The following WDR33 variants were observed in gnomAD, a reference collection of about 807,000 sequenced individuals.
The protein encoded by WDR33 is pre-mRNA 3' end processing protein WDR33.
In WDR33, 47 loss-of-function variants were observed where a neutral mutation model predicts 164.9. The ratio of observed to expected loss-of-function variants is 0.29; its 90% confidence interval spans 0.23 to 0.36. The LOEUF (loss-of-function observed/expected upper bound fraction) is 0.36. Ranked by LOEUF, WDR33 falls within the 10% of genes least tolerant of loss-of-function variation. The pLI, the probability that WDR33 is intolerant of heterozygous loss-of-function variation, is 1.00. For synonymous variants in WDR33, 505 were observed against 589.0 expected, an observed-to-expected ratio of 0.86 and a Z score of 2.06; for missense variants, 1,137 against 1,754.1, an observed-to-expected ratio of 0.65 and a Z score of 6.28.
chr2:127,733,082 C>T (rs1377558072), intron 7 of WDR33, among the ~76,000 whole-genome samples: 3 of 152,034 alleles, frequency 2.0e-5, no homozygotes, highest in African/African-American at 4.8e-5. Context: ...GGTGACTAGA[C>T]GTTATAGTAC....
At chr2:127,747,412 T>C (rs988274767) in intron 7 of WDR33, among the ~76,000 whole-genome samples, 2 of 150,524 alleles carry the variant, frequency 1.3e-5, no homozygotes, top group African/African-American at 4.9e-5. Flanking sequence ...AAATCAACAA[T>C]ATTTTAGGGC....
At position 127,764,887 on chromosome 2, in the gene WDR33, C is replaced by T. The variant is rs993927693; in HGVS notation, c.567G>A (p.Gln189=). The change falls in exon 6 of 22, where the codon CAG becomes CAA. Residue 189 remains glutamine, a synonymous_variant. Transcript: ENST00000322313. This position sits in a 1 kb window ranked among gnomAD's most constrained non-coding sequence, Gnocchi z 6.2. ...ADHGGYVKYW[Q]SNMNNVKMFQ... ...ACATCTTGACGTTGTTCATGTTCGACTGCCAATATTTCACATATCCTCCGT... is the reference window on the plus strand; with the variant it reads ...ACATCTTGACGTTGTTCATGTTCGATTGCCAATATTTCACATATCCTCCGT... The T allele has an allele frequency of 1.2e-6, 2 of 1,614,082 alleles. No individual in the cohort carries two copies. The highest frequency in any genetic ancestry group is 1.3e-5 in the African/African-American group (1 of 74,936).
Position 127,701,557 on chromosome 2 carries a change from A to G in WDR33, c.*4766T>C, listed in dbSNP as rs1685878198. 13 of 1,368,090 alleles carry G rather than the reference A, an allele frequency of 9.5e-6. 1 individual carries two copies. The South Asian group carries it at 1.7e-4, about 18-fold the overall frequency. The allele number at this position is 1,368,090 out of a possible 1,614,324, so 84.7% of individuals were successfully genotyped here. On this transcript the variant is annotated 3_prime_UTR_variant, in exon 22 of 22. Coordinates refer to ENST00000322313, the MANE Select transcript of WDR33 (RefSeq NM_018383.5). Reference sequence around the variant, plus strand: ...GCGGACCTCCACCGCCAGCTGCAGGAGTACCTGGCGCAGGGGAAAGCTGGC... The same window carrying G: ...GCGGACCTCCACCGCCAGCTGCAGGGGTACCTGGCGCAGGGGAAAGCTGGC...
chr2:127,763,744 AG>A lies in WDR33; in HGVS notation c.627-586del. 1 of 985,662 alleles carries A rather than the reference AG, an allele frequency of 1.0e-6. No individual in the cohort carries two copies. The allele number at this position is 985,662 out of a possible 1,614,324, so 61.1% of individuals were successfully genotyped here. A position where few individuals can be genotyped will look rare whatever the true frequency, so the allele number is the denominator to read the frequency against. On this transcript the variant is annotated intron_variant, in intron 6 of 21. Transcript: ENST00000322313. This position sits in a 1 kb window ranked among gnomAD's most constrained non-coding sequence, Gnocchi z 4.5. Reference sequence around the variant, plus strand: ...CACCTTTGAGGAAAACTTTAAAATAAGGACATTCAGACTTGTGTGTAAAGCC... The same window carrying A: ...CACCTTTGAGGAAAACTTTAAAATAAGACATTCAGACTTGTGTGTAAAGCC...
rs552297850 is a variant in WDR33, at chr2:127,724,727, C to T, written c.1085+160G>A. ...ACTTCCATATCCACAAACAGAGGTACATTTTCTATTCCAAGCTGGATTTAC... is the reference window on the plus strand; with the variant it reads ...ACTTCCATATCCACAAACAGAGGTATATTTTCTATTCCAAGCTGGATTTAC... On this transcript the variant is annotated intron_variant, in intron 10 of 21. Transcript: ENST00000322313. The surrounding 1 kb of genome is among the most constrained non-coding windows in gnomAD (Gnocchi z 4.8). 3.9e-5 allele frequency among the ~76,000 whole-genome samples: 6 copies of T among 152,302 alleles called. No homozygotes were observed. The South Asian group carries it at 1.2e-3, about 32-fold the overall frequency.
intron 1 of WDR33, among the ~76,000 whole-genome samples, chr2:127,800,504 G>A (rs748398561): frequency 6.6e-6 from 1 of 151,952 alleles, no homozygotes; most frequent in Non-Finnish European, 1.5e-5. Context: ...AGGCGTGGTG[G>A]AGGGCGCCTG....
At chr2:127,798,237 A>G (rs1249730398) in intron 1 of WDR33, among the ~76,000 whole-genome samples, 1 of 151,538 alleles carries the variant, frequency 6.6e-6, no homozygotes, top group East Asian at 2.0e-4. Context: ...GCATGGTGGC[A>G]CATGCCTGTA....
chr2:127,738,167 T>A lies in WDR33; in HGVS notation c.725-11390A>T. 1 of 878,312 alleles carries A rather than the reference T, an allele frequency of 1.1e-6. No individual in the cohort carries two copies. The highest frequency in any genetic ancestry group is 1.6e-6 in the Non-Finnish European group (1 of 622,494). 54.4% of individuals were successfully genotyped at this position (878,312 alleles called of 1,614,324 possible). ...AGATATGACTGAGATTTTTTTCTATTAATGAGTAATCTGAGATAACATATG... is the reference window on the plus strand; with the variant it reads ...AGATATGACTGAGATTTTTTTCTATAAATGAGTAATCTGAGATAACATATG... On this transcript the variant is annotated intron_variant, in intron 7 of 21. Coordinates refer to ENST00000322313, the MANE Select transcript of WDR33 (RefSeq NM_018383.5). The surrounding 1 kb of genome is among the most constrained non-coding windows in gnomAD (Gnocchi z 4.4).
chr2:127,781,028 T>C (rs1688351955), intron 1 of WDR33, among the ~76,000 whole-genome samples: 1 of 151,616 alleles, frequency 6.6e-6, no homozygotes, highest in Non-Finnish European at 1.5e-5. Context: ...ACCCGGCTAA[T>C]TTTTTTCGTA....
rs1392398803 is a variant in WDR33 at position 127,721,803 on chromosome 2, A to G, written c.1671+33T>C. 7.0e-6 allele frequency: 11 copies of G among 1,582,688 alleles called. No homozygotes were observed. In the South Asian group the frequency reaches 1.2e-4, roughly 17 times the overall value. On this transcript the variant is annotated intron_variant, in intron 15 of 21. Transcript: ENST00000322313. This position sits in a 1 kb window ranked among gnomAD's most constrained non-coding sequence, Gnocchi z 4.9. ...AATGTCACCACTACCCTCTTAGATC[A>G]TCTTGAATTCCCCCCTACAGAGCTT...
At chr2:127,711,397 C>G (rs1686156711) in intron 18 of WDR33, among the ~76,000 whole-genome samples, 1 of 147,808 alleles carries the variant, frequency 6.8e-6, no homozygotes. Context: ...TGCACTCCAG[C>G]CTGAGCGACA....
chr2:127,726,544 A>C lies in WDR33; in HGVS notation c.851+107T>G. The C allele has an allele frequency of 6.9e-7, 1 of 1,447,156 alleles. No individual in the cohort carries two copies. The allele number at this position is 1,447,156 out of a possible 1,614,324, so 89.6% of individuals were successfully genotyped here. A position where few individuals can be genotyped will look rare whatever the true frequency, so the allele number is the denominator to read the frequency against. Reference sequence around the variant, plus strand: ...ATAGATCCAAGTCCATCTGTTGCCTAAATGACTCTTCCAGAAATACATAAG... The same window carrying C: ...ATAGATCCAAGTCCATCTGTTGCCTCAATGACTCTTCCAGAAATACATAAG... On this transcript the variant is annotated intron_variant, in intron 8 of 21. Coordinates refer to ENST00000322313, the MANE Select transcript of WDR33 (RefSeq NM_018383.5). The surrounding 1 kb of genome is among the most constrained non-coding windows in gnomAD (Gnocchi z 4.8).
intron 1 of WDR33, among the ~76,000 whole-genome samples, chr2:127,796,815 A>G (rs112404081): frequency 6.6e-6 from 1 of 152,072 alleles, no homozygotes; most frequent in East Asian, 1.9e-4. Context: ...GTTTCAGTAC[A>G]CATTCTGGTT....
intron 7 of WDR33, chr2:127,737,844 T>C: frequency 7.3e-7 from 1 of 1,373,380 alleles, no homozygotes; most frequent in Non-Finnish European, 9.4e-7. Context: ...TTTAGAAACA[T>C]AAAAGCAACA....
chr2:127,788,507 TG>T (rs1688701256), intron 1 of WDR33, among the ~76,000 whole-genome samples: 2 of 115,320 alleles, frequency 1.7e-5, no homozygotes, highest in African/African-American at 3.6e-5. Context: ...ACGGGGCGGC[TG>T]GCCGGGTGGG....
chr2:127,713,691 C>T lies in WDR33; in HGVS notation c.3200G>A (p.Arg1067Gln), dbSNP rs778810983. The change falls in exon 18 of 22, where the codon CGG becomes CAG. Residue 1067 changes from arginine (R) to glutamine (Q), a missense_variant. Around this residue, in one of 9 missense-constraint regions of WDR33, gnomAD observed 867 missense variants for 1,073.0 expected, o/e 0.81. Coordinates refer to ENST00000322313, the MANE Select transcript of WDR33 (RefSeq NM_018383.5). This position sits in a 1 kb window ranked among gnomAD's most constrained non-coding sequence, Gnocchi z 6.2. ...DHREFSEGDG[R>Q]GAARGPPGAW... ...CCCCGGAGGGCCTCGGGCTGCACCC[C>T]GGCCATCCCCCTCGCTGAATTCCCT... 19 of 1,614,086 alleles carry T rather than the reference C, an allele frequency of 1.2e-5. No homozygotes were observed. The highest frequency in any genetic ancestry group is 4.0e-5 in the African/African-American group (3 of 74,956).
rs1160033304 is a variant in WDR33, at chr2:127,717,172, C to T, written c.2852G>A (p.Gly951Glu). The change falls in exon 17 of 22, where the codon GGA becomes GAA. Residue 951 changes from glycine (G) to glutamate (E), a missense_variant. By Grantham distance (98) the Gly-to-Glu change is moderately conservative. Transcript: ENST00000322313. The surrounding 1 kb of genome is among the most constrained non-coding windows in gnomAD (Gnocchi z 5.6). ...GRIPPLNPGQ[G>E]PGPNKGDSRG... is the part of the protein sequence containing the mutation. Reference sequence around the variant, plus strand: ...ATATTTACCTTTGTTGGGGCCAGGTCCTTGTCCGGGGTTCAGAGGGGGAAT... The same window carrying T: ...ATATTTACCTTTGTTGGGGCCAGGTTCTTGTCCGGGGTTCAGAGGGGGAAT... 1.9e-6 allele frequency: 3 copies of T among 1,606,108 alleles called. No homozygotes were observed. The highest frequency in any genetic ancestry group is 2.6e-6 in the Non-Finnish European group (3 of 1,175,876).
chr2:127,709,494 C>T lies in WDR33; in HGVS notation c.3561G>A (p.Glu1187=), dbSNP rs1222696751. 6.2e-7 allele frequency: 1 copy of T among 1,613,990 alleles called. No individual in the cohort carries two copies. The highest frequency in any genetic ancestry group is 8.5e-7 in the Non-Finnish European group (1 of 1,179,850). The change falls in exon 20 of 22, where the codon GAG becomes GAA. Residue 1187 remains glutamate (E), a synonymous_variant. Transcript: ENST00000322313. This position sits in a 1 kb window ranked among gnomAD's most constrained non-coding sequence, Gnocchi z 5.0. ...ACAAGCGGTTCTTTTCCTTACCAGG[C>T]TCTCTGTTTCCATCCCAGGAATCTG... is the stretch of plus-strand genomic sequence containing the variant. ...RKPDSWDGNR[E]PGPGHEHFRD... is the part of the protein sequence containing the mutation.
At chr2:127,772,045 TCTCAGACTCTTGGG>T (rs976838673) in intron 1 of WDR33, among the ~76,000 whole-genome samples, 1 of 152,106 alleles carries the variant, frequency 6.6e-6, no homozygotes, top group Non-Finnish European at 1.5e-5. Flanking sequence ...CCCAGTCTGG[TCTCAGACTCTTGGG>T]CTCAAGAGAT....
Sources: gnomAD v4.1 joint callset for allele counts (sites outside exome capture counted in the v4.1 genomes callset) on GRCh38, gnomAD v4.1.1 for gene constraint, gnomAD v4.1.1 regional missense constraint, Gnocchi (gnomAD v3.1) non-coding constraint, MANE v1.5 for transcripts, NCBI Gene and HGNC (gene_info 2026-07-23, HGNC 2026-07-21) for gene names.